The following DIS3L2 variants were observed in gnomAD, a reference collection of about 807,000 sequenced individuals.
DIS3L2 encodes DIS3-like exonuclease 2.
A neutral mutation model predicts 97.5 loss-of-function variants in DIS3L2; 34 were observed. The ratio of observed to expected loss-of-function variants is 0.35; its 90% CI spans 0.27 to 0.46. DIS3L2 has a LOEUF of 0.46. Ranked by LOEUF, DIS3L2 falls within the 20% of genes least tolerant of loss-of-function variation. The pLI is 1.00. For missense variants in DIS3L2, 1,038 were observed against 1,146.0 expected, an observed-to-expected ratio of 0.91 and a Z score of 1.36; for synonymous variants, 435 against 445.2, an observed-to-expected ratio of 0.98 and a Z score of 0.29.
chr2:232,220,008 AC>A (rs1315183607), intron 10 of DIS3L2, among the ~76,000 whole-genome samples: 1 of 152,132 alleles, frequency 6.6e-6, no homozygotes, highest in Non-Finnish European at 1.5e-5. Context: ...GCAGTGGCTT[AC>A]ACCTATAATC....
intron 6 of DIS3L2, among the ~76,000 whole-genome samples, chr2:232,117,079 C>A (rs1697745496): frequency 6.6e-6 from 1 of 152,162 alleles, no homozygotes; most frequent in South Asian, 2.1e-4. Context: ...CCCTTTGGTA[C>A]CTGCTTCTGC....
At chr2:232,001,715 C>CTTTTTTTT (rs36048859) in intron 1 of DIS3L2, among the ~76,000 whole-genome samples, 24 of 60,040 alleles carry the variant, frequency 4.0e-4, no homozygotes, top group African/African-American at 4.8e-4. Flanking sequence ...ATCTTTAATT[C>CTTTTTTTT]TTTTTTTTTT....
At chr2:232,226,460 C>A (rs182176885) in intron 10 of DIS3L2, among the ~76,000 whole-genome samples, 223 of 152,282 alleles carry the variant, frequency 1.5e-3, no homozygotes, top group African/African-American at 5.2e-3. Context: ...CCTCATAGAA[C>A]TTTTGTGAAG....
At chr2:232,083,310 G>A (rs1434706529) in intron 5 of DIS3L2, among the ~76,000 whole-genome samples, 2 of 138,508 alleles carry the variant, frequency 1.4e-5, no homozygotes, top group Non-Finnish European at 3.1e-5. Context: ...ATACATACAT[G>A]CAGAGAAAGA....
At chr2:232,095,693 T>C (rs1019476409) in intron 6 of DIS3L2, among the ~76,000 whole-genome samples, 1 of 152,192 alleles carries the variant, frequency 6.6e-6, no homozygotes, top group Non-Finnish European at 1.5e-5. Context: ...TGCTCATTAA[T>C]GTTCTGTTCT....
Position 232,269,428 on chromosome 2 carries a change from G to A in DIS3L2, c.1659+5988G>A, listed in dbSNP as rs777758571. 9.2e-5 allele frequency among the ~76,000 whole-genome samples: 14 copies of A among 152,136 alleles called. No homozygotes were observed. Among genetic ancestry groups the A allele is most frequent in the Non-Finnish European group, 1.9e-4 (13 of 68,030 alleles). On this transcript the variant is annotated intron_variant, in intron 13 of 20. Coordinates refer to ENST00000325385, the MANE Select transcript of DIS3L2 (RefSeq NM_152383.5). The surrounding 1 kb of genome is among the most constrained non-coding windows in gnomAD (Gnocchi z 4.5). ...ACACGAGGAAGCTATTGATCACAGG[G>A]TTGAGTATATTTGTAGAATCATTCT... is the stretch of plus-strand genomic sequence containing the variant.
At chr2:232,342,993 G>T (rs188357307) in intron 13 of DIS3L2, 9 of 191,228 alleles carry the variant, frequency 4.7e-5, no homozygotes, top group South Asian at 1.3e-4. Flanking sequence ...GAGTCAGAGT[G>T]GGGGGGCTGG....
intron 14 of DIS3L2, among the ~76,000 whole-genome samples, chr2:232,310,900 C>T (rs1695109847): frequency 6.6e-6 from 1 of 152,266 alleles, no homozygotes. Context: ...ACCCAGTCTC[C>T]TCCACATGGA....
chr2:232,018,412 A>G (rs141706245), intron 3 of DIS3L2, among the ~76,000 whole-genome samples: 9 of 152,296 alleles, frequency 5.9e-5, no homozygotes, highest in African/African-American at 2.2e-4. Context: ...GGGAAAAGGA[A>G]TGGGTTCCAG....
At chr2:232,101,390 C>A (rs1232937160) in intron 6 of DIS3L2, among the ~76,000 whole-genome samples, 2 of 50,522 alleles carry the variant, frequency 4.0e-5, no homozygotes, top group African/African-American at 8.9e-5. Flanking sequence ...CTAGAATATA[C>A]CTAGATGTAT....
chr2:231,983,814 G>A (rs1466113054), intron 1 of DIS3L2, among the ~76,000 whole-genome samples: 4 of 151,696 alleles, frequency 2.6e-5, no homozygotes, highest in Non-Finnish European at 5.9e-5. Context: ...GCTTGAACCC[G>A]GGAGGTGGAG....
chr2:232,169,980 C>T (rs931069050), intron 9 of DIS3L2, among the ~76,000 whole-genome samples: 4 of 152,134 alleles, frequency 2.6e-5, no homozygotes, highest in Non-Finnish European at 4.4e-5. Flanking sequence ...CTCCTAGGGG[C>T]GATATAGCCC....
At chr2:232,239,920 G>C (rs1378518693) in intron 11 of DIS3L2, among the ~76,000 whole-genome samples, 2 of 152,246 alleles carry the variant, frequency 1.3e-5, no homozygotes, top group African/African-American at 4.8e-5. Context: ...TCTAGGCTTT[G>C]AGTGCAGCCA....
intron 13 of DIS3L2, among the ~76,000 whole-genome samples, chr2:232,273,977 G>A (rs1694074341): frequency 6.6e-6 from 1 of 152,172 alleles, no homozygotes; most frequent in East Asian, 1.9e-4. Context: ...GCTTTTAATG[G>A]AGATAATTCC....
At chr2:232,184,675 G>A (rs562014475) in intron 9 of DIS3L2, among the ~76,000 whole-genome samples, 1 of 152,160 alleles carries the variant, frequency 6.6e-6, no homozygotes, top group South Asian at 2.1e-4. Flanking sequence ...AAGAAAAGAA[G>A]CATATAGTAG....
chr2:232,175,588 T>C (rs1187973133), intron 9 of DIS3L2, among the ~76,000 whole-genome samples: 1 of 152,058 alleles, frequency 6.6e-6, no homozygotes, highest in Admixed American at 6.5e-5. Context: ...TAGCTTTTAT[T>C]TTAGGTTCGG....
rs74269651 is a variant in DIS3L2 at position 232,291,157 on chromosome 2, C to A, written c.1660-8883C>A. Among the ~76,000 whole-genome samples, 593 of 152,238 alleles carry A rather than the reference C, an allele frequency of 3.9e-3. 28 individuals carry two copies. In the East Asian group the frequency reaches 0.1, roughly 26 times the overall value. ...AGGAGAAAGAAATTTAATACATTGCCATAGAATCGTCATTAACCAAGTTAA... is the reference window on the plus strand; with the variant it reads ...AGGAGAAAGAAATTTAATACATTGCAATAGAATCGTCATTAACCAAGTTAA... On this transcript the variant is annotated intron_variant, in intron 13 of 20. Coordinates refer to ENST00000325385, the MANE Select transcript of DIS3L2 (RefSeq NM_152383.5).
intron 1 of DIS3L2, among the ~76,000 whole-genome samples, chr2:232,010,411 A>G (rs543399268): frequency 6.6e-6 from 1 of 152,272 alleles, no homozygotes; most frequent in East Asian, 1.9e-4. Context: ...TTAAAATGGT[A>G]TTAAGTAGTG....
At chr2:232,063,611 A>G (rs891098440) in intron 5 of DIS3L2, among the ~76,000 whole-genome samples, 2 of 152,070 alleles carry the variant, frequency 1.3e-5, no homozygotes, top group Non-Finnish European at 2.9e-5. Flanking sequence ...CATTCTCATG[A>G]CCTATGCTGC....
Sources: gnomAD v4.1 joint callset for allele counts (sites outside exome capture counted in the v4.1 genomes callset) on GRCh38, gnomAD v4.1.1 for gene constraint, Gnocchi (gnomAD v3.1) non-coding constraint, MANE v1.5 for transcripts, NCBI Gene and HGNC (gene_info 2026-07-23, HGNC 2026-07-21) for gene names.